TTN: variants seen among roughly 807,000 people sequenced by gnomAD.
TTN encodes connectin.
TTN carries 1,525 observed loss-of-function variants against 3,223.0 expected under a neutral mutation model. That is an observed-to-expected ratio of 0.47 (90% CI 0.45 to 0.49). TTN has a LOEUF of 0.49. Ranked by LOEUF, TTN falls within the 20% of genes least tolerant of loss-of-function variation. The pLI is 0.00. For missense variants in TTN, 40,786 were observed against 43,424.0 expected (o/e 0.94, Z 5.40); for synonymous variants, 14,094 against 15,161.0 (o/e 0.93, Z 5.17).
Position 178,535,516 on chromosome 2 carries a change from T to TA in TTN, c.101098_101099insT (p.Asp33700ValfsTer13), listed in dbSNP as rs869312122. Reference sequence around the variant, plus strand: ...TAAGTTGACAGAATCTCGTGAGACATCACTAACTTTGACTCCTCTGGGTGG... The same window carrying TA: ...TAAGTTGACAGAATCTCGTGAGACATACACTAACTTTGACTCCTCTGGGTGG... On this transcript the variant is annotated frameshift_variant, in exon 358 of 363. Coordinates refer to ENST00000589042, the MANE Select transcript of TTN (RefSeq NM_001267550.2). LOFTEE classifies it high-confidence loss of function. The TA allele has an allele frequency of 2.5e-6, 4 of 1,613,866 alleles. No individual in the cohort carries two copies. The highest frequency in any genetic ancestry group is 3.4e-6 in the Non-Finnish European group (4 of 1,179,822).
Position 178,677,766 on chromosome 2 carries a change from C to G in TTN, c.34146G>C (p.Glu11382Asp). ...PEEEEVLPEE[E>D]EVLPEEEEIP... ...TTTCCTCTTCTTCAGGTAGAACTTC[C>G]TCTTCTTCAGGTAGAACTTCCTCTT... Residue 11382 changes from glutamate to aspartate, a missense_variant, in exon 146 of 363, where the codon GAG becomes GAC. Transcript: ENST00000589042. 1 of 1,612,880 alleles carries G rather than the reference C, an allele frequency of 6.2e-7. No homozygotes were observed. Among genetic ancestry groups the G allele is most frequent in the African/African-American group, 1.3e-5 (1 of 74,884 alleles).
At position 178,533,522 on chromosome 2, in the gene TTN, A is replaced by C; in HGVS notation, c.103093T>G (p.Phe34365Val). 1 of 1,613,730 alleles carries C rather than the reference A, an allele frequency of 6.2e-7. No individual in the cohort carries two copies. The highest frequency in any genetic ancestry group is 1.1e-5 in the South Asian group (1 of 91,068). ...PPTDSTLRPM[F>V]KRLLANAECQ... ...TCTGCATTTGCCAGTAACCTTTTGA[A>C]CATGGGTCTTAAGGTACTATCTGTT... The change falls in exon 358 of 363, where the codon TTC becomes GTC. Residue 34365 changes from phenylalanine to valine, a missense_variant. Transcript: ENST00000589042.
In TTN at chr2:178,552,945, G is replaced by T. The variant is rs1327715051; in HGVS notation, c.89955C>A (p.His29985Gln). Reference sequence around the variant, plus strand: ...GCTTGAAGGATGTGCTAGAACATTTGTGTGACACGACAGACCATGTTCTCT... The same window carrying T: ...GCTTGAAGGATGTGCTAGAACATTTTTGTGACACGACAGACCATGTTCTCT... The part of the protein sequence containing the change: ...ATKRTWSVVS[H>Q]KCSSTSFKLI... The change falls in exon 335 of 363, where the codon CAC becomes CAA. Residue 29985 changes from histidine to glutamine, a missense_variant. His to Gln is a conservative substitution (Grantham distance 24, BLOSUM62 0). Transcript: ENST00000589042. The T allele has an allele frequency of 1.2e-6, 2 of 1,613,366 alleles. No homozygotes were observed. Among genetic ancestry groups the T allele is most frequent in the African/African-American group, 2.7e-5 (2 of 74,902 alleles).
chr2:178,736,419 T>C (rs997769510), intron 49 of TTN, among the ~76,000 whole-genome samples: 6 of 152,186 alleles, frequency 3.9e-5, no homozygotes, highest in East Asian at 3.9e-4. Flanking sequence ...TAGAAGATTA[T>C]GTAAGGAAGA....
chr2:178,581,461 T>C (rs1575913629), intron 316 of TTN, 38 bp downstream of exon 316: 1 of 1,507,204 alleles, frequency 6.6e-7, no homozygotes, highest in Admixed American at 2.0e-5. Flanking sequence ...ATATGATTAA[T>C]AGGAAAAGCC....
Position 178,777,881 on chromosome 2 carries a change from C to G in TTN, c.4303G>C (p.Ala1435Pro). 6.2e-7 allele frequency: 1 copy of G among 1,614,014 alleles called. No individual in the cohort carries two copies. Among genetic ancestry groups the G allele is most frequent in the Non-Finnish European group, 8.5e-7 (1 of 1,179,932 alleles). The change falls in exon 25 of 363, where the codon GCA becomes CCA. Residue 1435 changes from alanine (A) to proline (P), a missense_variant. Transcript: ENST00000589042. ...ARMSPARMSP[A>P]RMSPGRRLEE... ...AGCCTACGTCCAGGGGACATTCTTG[C>G]AGGGGACATCCGTGCAGGAGACATC...
At chr2:178,608,929 A>G (rs767120460) in intron 273 of TTN, 21 bp from the exon 274 acceptor site, 1 of 1,592,924 alleles carries the variant, frequency 6.3e-7, no homozygotes, top group Non-Finnish European at 8.5e-7. Flanking sequence ...AGAAGAGAAC[A>G]GTAATCAAAA....
At chr2:178,609,651 G>T in intron 272 of TTN, 33 bp downstream of exon 272, 1 of 1,552,744 alleles carries the variant, frequency 6.4e-7, no homozygotes, top group Non-Finnish European at 8.7e-7. Flanking sequence ...ATTTCAAAAT[G>T]GGAAAGTGGC....
At chr2:178,556,679 A>G in intron 330 of TTN, 169 bp downstream of exon 330, 1 of 721,460 alleles carries the variant, frequency 1.4e-6, no homozygotes, top group Non-Finnish European at 2.2e-6. Context: ...AGAGGGCTGG[A>G]AAGGTATTTA....
rs1001785576 is a variant in TTN at position 178,610,401 on chromosome 2, A to T, written c.51137-12T>A. 3 of 1,604,246 alleles carry T rather than the reference A, an allele frequency of 1.9e-6. No individual in the cohort carries two copies. The highest frequency in any genetic ancestry group is 2.5e-6 in the Non-Finnish European group (3 of 1,177,110). ...TGGTCCAGGTAGGCCTATTACAAAA[A>T]TGGATAATTATTCTAGTAATCCTGA... On this transcript the variant is annotated splice_polypyrimidine_tract_variant and intron_variant, in intron 270 of 362. Coordinates refer to ENST00000589042, the MANE Select transcript of TTN (RefSeq NM_001267550.2).
Position 178,621,422 on chromosome 2 carries a change from C to G in TTN, c.45349+53G>C. On this transcript the variant is annotated intron_variant, in intron 245 of 362. Coordinates refer to ENST00000589042, the MANE Select transcript of TTN (RefSeq NM_001267550.2). ...AAACATATGTCTTTGTACTTTAAATCTAGCAAGTGTGAATTGTTAGAAATA... is the reference window on the plus strand; with the variant it reads ...AAACATATGTCTTTGTACTTTAAATGTAGCAAGTGTGAATTGTTAGAAATA... 2.5e-6 allele frequency: 4 copies of G among 1,606,294 alleles called. No homozygotes were observed. In the East Asian group the frequency reaches 9.0e-5, roughly 36 times the overall value.
chr2:178,618,112 A>G (rs753754335), intron 252 of TTN, 31 bp from the exon 253 acceptor site: 1 of 1,610,690 alleles, frequency 6.2e-7, no homozygotes, highest in Non-Finnish European at 8.5e-7. Context: ...AGAAAATATG[A>G]GTTTGGGGTA....
rs876658067 is a variant in TTN, at chr2:178,600,952, T to C, written c.55952A>G (p.Glu18651Gly). 7.4e-6 allele frequency: 12 copies of C among 1,613,032 alleles called. No individual in the cohort carries two copies. Among genetic ancestry groups the C allele is most frequent in the Non-Finnish European group, 6.8e-6 (8 of 1,179,320 alleles). Residue 18651 changes from glutamate to glycine, a missense_variant, in exon 288 of 363, where the codon GAG becomes GGG. Glu to Gly is a moderately conservative substitution (Grantham distance 98, BLOSUM62 -2). Coordinates refer to ENST00000589042, the MANE Select transcript of TTN (RefSeq NM_001267550.2). ...GACTCGGAATTCATATTCCCCACCC[T>C]CTACTAGGTCTTCAACAGTAAATTG... ...ELQFTVEDLV[E>G]GGEYEFRVKA...
chr2:178,666,968 A>C, intron 162 of TTN, 67 bp from the exon 163 acceptor site: 1 of 1,125,252 alleles, frequency 8.9e-7, no homozygotes, highest in Non-Finnish European at 1.2e-6. Flanking sequence ...ACATACTAAG[A>C]AAGTTAGATA....
Position 178,768,711 on chromosome 2 carries a change from G to A in TTN, c.9125C>T (p.Ala3042Val). 6.2e-7 allele frequency: 1 copy of A among 1,614,006 alleles called. No individual in the cohort carries two copies. The highest frequency in any genetic ancestry group is 8.5e-7 in the Non-Finnish European group (1 of 1,180,008). Residue 3042 changes from alanine to valine, a missense_variant, in exon 38 of 363, where the codon GCT (alanine) becomes GTT (valine). By Grantham distance (64) the Ala-to-Val change is moderately conservative. Coordinates refer to ENST00000589042, the MANE Select transcript of TTN (RefSeq NM_001267550.2). ...TGTGGCTGTTGATGTTGCTTTTCCA[G>A]CCACAAAGGTGTAGTCAGCAGCATC... The part of the protein sequence containing the change: ...FGDAADYTFV[A>V]GKATSTATLY...
chr2:178,635,665 G>A lies in TTN; in HGVS notation c.41659C>T (p.Pro13887Ser). 1 of 1,601,122 alleles carries A rather than the reference G, an allele frequency of 6.2e-7. No homozygotes were observed. The highest frequency in any genetic ancestry group is 8.5e-7 in the Non-Finnish European group (1 of 1,173,390). ...CAGGCAAAAATAGCTGTCCCCTTGG[G>A]TTTCACATGCTGGTCTCGTATAGGT... ...VKPIRDQHVK[P>S]KGTAIFACDI... Residue 13887 changes from proline to serine, a missense_variant, in exon 227 of 363, where the codon CCC becomes TCC. Coordinates refer to ENST00000589042, the MANE Select transcript of TTN (RefSeq NM_001267550.2).
At position 178,604,994 on chromosome 2, in the gene TTN, T is replaced by G. The variant is rs757026449; in HGVS notation, c.54183A>C (p.Glu18061Asp). ...AGAAAGCAAGTCACTTACCATATAC[T>G]TCAACGTGAACATTTCGGAACACTG... Reference protein sequence around the residue: ...LGSVFRNVHVEVYDRPSPPRN... With the variant: ...LGSVFRNVHVDVYDRPSPPRN... Residue 18061 changes from glutamate to aspartate, a missense_variant, in exon 280 of 363, where the codon GAA becomes GAC. Transcript: ENST00000589042. 3 of 1,595,338 alleles carry G rather than the reference T, an allele frequency of 1.9e-6. No individual in the cohort carries two copies. In the Admixed American group the frequency reaches 5.1e-5, roughly 27 times the overall value.
At chr2:178,692,348 C>A in intron 120 of TTN, 149 bp downstream of exon 120, 1 of 895,010 alleles carries the variant, frequency 1.1e-6, no homozygotes, top group Middle Eastern at 3.4e-4. Context: ...ACTTGTATAA[C>A]ACATCACCAC....
rs1453483423 is a variant in TTN at position 178,574,870 on chromosome 2, A to G, written c.71262T>C (p.Asp23754=). ...CATAGTTGCTTATTGGTACACCACC[A>G]TCGTTCTCAGGTGGGTCCCAAGAGA... is the stretch of plus-strand genomic sequence containing the variant. ...VTFSWDPPEN[D]GGVPISNYVV... is the part of the protein sequence containing the mutation. The change falls in exon 326 of 363, where the codon GAT becomes GAC. Residue 23754 remains aspartate (D), a synonymous_variant. Coordinates refer to ENST00000589042, the MANE Select transcript of TTN (RefSeq NM_001267550.2). The G allele has an allele frequency of 4.3e-6, 7 of 1,612,918 alleles. No individual in the cohort carries two copies. Among genetic ancestry groups the G allele is most frequent in the African/African-American group, 2.7e-5 (2 of 74,876 alleles).
Sources: gnomAD v4.1 joint callset for allele counts (sites outside exome capture counted in the v4.1 genomes callset) on GRCh38, gnomAD v4.1.1 for gene constraint, MANE v1.5 for transcripts, NCBI Gene and HGNC (gene_info 2026-07-23, HGNC 2026-07-21) for gene names.